SLC25A48: variants seen among roughly 807,000 people sequenced by gnomAD.
The protein encoded by SLC25A48 is solute carrier family 25 member 48.
In SLC25A48, 29 loss-of-function variants were observed where a neutral mutation model predicts 32.2. That is an observed-to-expected ratio of 0.90 (90% CI 0.67 to 1.23). The LOEUF (loss-of-function observed/expected upper bound fraction) is 1.23. Among genes scored for constraint, SLC25A48 ranks in the 50% most tolerant of loss-of-function variants. The probability of loss-of-function intolerance (pLI) is 0.00; values close to 1 mark genes in which losing one functional copy is unlikely to be tolerated. For missense variants in SLC25A48, 399 were observed against 422.7 expected (o/e 0.94, Z 0.49); for synonymous variants, 164 against 172.3 (o/e 0.95, Z 0.38).
At position 135,825,530 on chromosome 5, in the gene SLC25A48, C is replaced by G. The variant is rs563876447; in HGVS notation, c.-117+12604C>G. 2.6e-3 allele frequency among the ~76,000 whole-genome samples: 392 copies of G among 152,294 alleles called. 1 individual carries two copies. Among genetic ancestry groups the G allele is most frequent in the Non-Finnish European group, 4.5e-3 (307 of 68,018 alleles). ...AGTGCTTCCTGGGCTGTAGAGCAGACATGGGCCTGTCCTTTTCTGGGACTG... is the reference window on the plus strand; with the variant it reads ...AGTGCTTCCTGGGCTGTAGAGCAGAGATGGGCCTGTCCTTTTCTGGGACTG... On this transcript the variant is annotated intron_variant, in intron 4 of 10. Coordinates refer to the SLC25A48 transcript ENST00000646290.
At chr5:135,604,727 G>T (rs1241877380) in intron 1 of SLC25A48, among the ~76,000 whole-genome samples, 2 of 152,350 alleles carry the variant, frequency 1.3e-5, no homozygotes, top group East Asian at 3.9e-4. Flanking sequence ...ATTCAGCATT[G>T]CCTCAATCAC....
At chr5:135,850,592 C>A in intron 3 of SLC25A48, 96 bp downstream of exon 3, 1 of 1,112,872 alleles carries the variant, frequency 9.0e-7, no homozygotes, top group Non-Finnish European at 1.3e-6. Flanking sequence ...AGGTGGGGGC[C>A]TCTCATCCTG....
intron 4 of SLC25A48, among the ~76,000 whole-genome samples, chr5:135,856,617 G>A (rs754171042): frequency 5.3e-5 from 8 of 152,268 alleles, no homozygotes; most frequent in Admixed American, 1.3e-4. Context: ...GCAGCACGTG[G>A]GGAGACGCAG....
chr5:135,638,903 C>CAAAA (rs1000367112), intron 3 of SLC25A48, among the ~76,000 whole-genome samples: 1 of 152,040 alleles, frequency 6.6e-6, no homozygotes. Context: ...ATTATGTTCT[C>CAAAA]AAAAAAACCC....
chr5:135,646,968 TA>T (rs1026474087), intron 3 of SLC25A48, among the ~76,000 whole-genome samples: 8 of 152,112 alleles, frequency 5.3e-5, no homozygotes, highest in Non-Finnish European at 1.0e-4. Flanking sequence ...TATTGTATAC[TA>T]TATTGTACAC....
chr5:135,763,766 C>T (rs1204045031), intron 3 of SLC25A48, among the ~76,000 whole-genome samples: 1 of 104,880 alleles, frequency 9.5e-6, no homozygotes, highest in Admixed American at 9.3e-5. Context: ...CACACACATA[C>T]ACACACACAC....
Position 135,770,344 on chromosome 5 carries a change from G to A in SLC25A48, c.-520-42179G>A, listed in dbSNP as rs75439412. Among the ~76,000 whole-genome samples, 1,465 of 150,702 alleles carry A rather than the reference G, an allele frequency of 9.7e-3. 32 individuals are homozygous for A. Among genetic ancestry groups the A allele is most frequent in the African/African-American group, 0.034 (1,381 of 41,068 alleles). On this transcript the variant is annotated intron_variant, in intron 3 of 10. Coordinates refer to the SLC25A48 transcript ENST00000646290. ...AGAGGATAATATTACTCCCAATATC[G>A]CAGAGGTAGTACATTCCCCCTGTGA...
chr5:135,837,460 A>G (rs1352007653), intron 1 of SLC25A48, among the ~76,000 whole-genome samples: 1 of 152,200 alleles, frequency 6.6e-6, no homozygotes, highest in African/African-American at 2.4e-5. Context: ...TTGTCTTTGA[A>G]GAACAGTTTC....
chr5:135,770,979 T>A (rs1222536518), intron 3 of SLC25A48, among the ~76,000 whole-genome samples: 1 of 151,918 alleles, frequency 6.6e-6, no homozygotes, highest in African/African-American at 2.4e-5. Flanking sequence ...TTGTTCCTAA[T>A]ATCTAGAAGA....
At chr5:135,675,497 A>C (rs1753746726) in intron 3 of SLC25A48, among the ~76,000 whole-genome samples, 1 of 152,044 alleles carries the variant, frequency 6.6e-6, no homozygotes, top group Non-Finnish European at 1.5e-5. Flanking sequence ...ACCTTTATTG[A>C]AAATCAGTTG....
Position 135,840,721 on chromosome 5 carries a change from C to T in SLC25A48, c.47-1695C>T, listed in dbSNP as rs144777711. ...TTAGCATAATGTTTTGGAGGTGCAT[C>T]TATGCTGTAGCATGCATCAATAGTT... On this transcript the variant is annotated intron_variant, in intron 1 of 7. Coordinates refer to ENST00000681962, the MANE Select transcript of SLC25A48 (RefSeq NM_001349336.2). Among the ~76,000 whole-genome samples the T allele has an allele frequency of 6.3e-3, 962 of 152,320 alleles. 4 individuals are homozygous for T. Among genetic ancestry groups the T allele is most frequent in the Non-Finnish European group, 0.01 (700 of 68,028 alleles).
At chr5:135,871,379 G>C (rs1260098860) in intron 4 of SLC25A48, 82 bp from the exon 5 acceptor site, 1 of 1,481,448 alleles carries the variant, frequency 6.8e-7, no homozygotes, top group African/African-American at 1.4e-5. Flanking sequence ...CTGTCAAAGG[G>C]CTGGGCTGGC....
rs768595194 is a variant in SLC25A48, at chr5:135,581,146, T to A, written c.-849+1549T>A. 1.8e-3 allele frequency among the ~76,000 whole-genome samples: 269 copies of A among 152,376 alleles called. 4 individuals are homozygous for A. The highest frequency in any genetic ancestry group is 3.0e-3 in the Non-Finnish European group (205 of 68,042). ...GAGATAGTGCATGTAATGCTTTTAA[T>A]GTGGTCCCCAACACAGAGTAAGTGT... On this transcript the variant is annotated intron_variant, in intron 1 of 10. Transcript: ENST00000646290.
intron 3 of SLC25A48, among the ~76,000 whole-genome samples, chr5:135,680,819 A>T (rs1753878825): frequency 6.6e-6 from 1 of 152,168 alleles, no homozygotes. Context: ...CAGCCAAACC[A>T]TATCAAGTCA....
At chr5:135,785,558 G>T (rs974498251) in intron 3 of SLC25A48, among the ~76,000 whole-genome samples, 2 of 151,266 alleles carry the variant, frequency 1.3e-5, no homozygotes, top group Non-Finnish European at 3.0e-5. Context: ...ATATCCAGGG[G>T]GGGAGAGGGT....
chr5:135,877,564 A>G (rs1423516335), intron 6 of SLC25A48, among the ~76,000 whole-genome samples: 1 of 152,080 alleles, frequency 6.6e-6, no homozygotes, highest in East Asian at 1.9e-4. Flanking sequence ...TCATCCATCC[A>G]TCCATTCACT....
intron 3 of SLC25A48, among the ~76,000 whole-genome samples, chr5:135,655,057 G>T (rs1391215431): frequency 6.6e-6 from 1 of 152,198 alleles, no homozygotes; most frequent in South Asian, 2.1e-4. Flanking sequence ...CCTGTCCTTA[G>T]GTCCTATGAC....
intron 3 of SLC25A48, among the ~76,000 whole-genome samples, chr5:135,804,399 C>T (rs923611605): frequency 6.6e-6 from 1 of 151,588 alleles, no homozygotes; most frequent in African/African-American, 2.4e-5. Flanking sequence ...TAATGTACAC[C>T]CCCTGTGACA....
intron 3 of SLC25A48, among the ~76,000 whole-genome samples, chr5:135,757,450 G>A (rs55983844): frequency 0.049 from 7,214 of 148,548 alleles, 370 homozygotes; most frequent in African/African-American, 0.13. Context: ...TATTTATGAT[G>A]TCTAGTGTTA....
Sources: gnomAD v4.1 joint callset for allele counts (sites outside exome capture counted in the v4.1 genomes callset) on GRCh38, gnomAD v4.1.1 for gene constraint, MANE v1.5 for transcripts, NCBI Gene and HGNC (gene_info 2026-07-23, HGNC 2026-07-21) for gene names.